The following PCDHA6 variants were observed in gnomAD, a reference collection of about 807,000 sequenced individuals.
PCDHA6 encodes the protein protocadherin alpha-6.
Under a neutral mutation model 60.3 loss-of-function variants are expected in PCDHA6, and 55 were observed. The observed-to-expected ratio is 0.91, with a 90% CI of 0.73 to 1.14. The LOEUF (loss-of-function observed/expected upper bound fraction) is 1.14, where lower values mean the gene tolerates loss of function less well. PCDHA6 is among the 50% of genes most tolerant of loss of function. The pLI, the probability that PCDHA6 is intolerant of heterozygous loss-of-function variation, is 0.00. For synonymous variants in PCDHA6, 652 were observed against 557.9 expected (o/e 1.17, Z -2.38); for missense variants, 1,327 against 1,256.5 (o/e 1.06, Z -0.85).
chr5:140,871,098 G>T (rs2052704304), intron 1 of PCDHA6: 4 of 1,613,192 alleles, frequency 2.5e-6, no homozygotes, highest in Non-Finnish European at 3.4e-6. Context: ...CCACCGTGCT[G>T]GTGTCGTTGG....
At chr5:140,876,793 G>A (rs782321220) in intron 1 of PCDHA6, 2 of 1,614,240 alleles carry the variant, frequency 1.2e-6, no homozygotes, top group Non-Finnish European at 1.7e-6. Context: ...CACGGCTAGA[G>A]TGTCCGTGGA....
At chr5:140,912,472 G>A (rs993404931) in intron 1 of PCDHA6, among the ~76,000 whole-genome samples, 4 of 151,836 alleles carry the variant, frequency 2.6e-5, no homozygotes, top group African/African-American at 9.7e-5. Context: ...GAACTTTACT[G>A]AATTCATTTA....
chr5:140,897,461 A>G (rs1374397258), intron 1 of PCDHA6, among the ~76,000 whole-genome samples: 5 of 151,630 alleles, frequency 3.3e-5, no homozygotes, highest in African/African-American at 4.8e-5. Flanking sequence ...TCCTTGCGAT[A>G]GTTTACTGAG....
At chr5:140,857,667 G>T (rs375722457) in intron 1 of PCDHA6, 10 of 1,596,922 alleles carry the variant, frequency 6.3e-6, no homozygotes, top group East Asian at 4.5e-5. Flanking sequence ...CGCGATGGGG[G>T]CGTGCCGCCT....
intron 3 of PCDHA6, among the ~76,000 whole-genome samples, chr5:141,006,484 A>T (rs1028996250): frequency 9.9e-5 from 15 of 152,130 alleles, no homozygotes; most frequent in Non-Finnish European, 7.4e-5. Flanking sequence ...AAGTGCTGGG[A>T]TTACATGTGT....
intron 1 of PCDHA6, chr5:140,856,628 G>C (rs782445037): frequency 1.9e-6 from 3 of 1,598,180 alleles, no homozygotes; most frequent in East Asian, 4.5e-5. Context: ...CCCAGTGCTT[G>C]TTCTGCGGAA....
intron 1 of PCDHA6, among the ~76,000 whole-genome samples, chr5:140,953,629 T>A (rs547651453): frequency 6.6e-6 from 1 of 152,298 alleles, no homozygotes; most frequent in East Asian, 1.9e-4. Context: ...TTGCTTTATG[T>A]ATTTTGGCCA....
intron 3 of PCDHA6, among the ~76,000 whole-genome samples, chr5:140,993,099 C>T (rs1253807421): frequency 6.6e-6 from 1 of 152,206 alleles, no homozygotes; most frequent in Non-Finnish European, 1.5e-5. Context: ...TATGTTTATT[C>T]AGCGGTCAGT....
At chr5:140,856,750 C>T (rs1554149043) in intron 1 of PCDHA6, 2 of 1,596,152 alleles carry the variant, frequency 1.3e-6, no homozygotes, top group Non-Finnish European at 1.7e-6. Flanking sequence ...TGTTAGATGC[C>T]AATGATAACG....
At position 140,971,223 on chromosome 5, in the gene PCDHA6, C is replaced by T. The variant is rs904012820; in HGVS notation, c.2395-7726C>T. The stretch of plus-strand genomic sequence containing the variant: ...GACACTGTTACCCTCCCTCTCCTGA[C>T]TCAAAGCTTGGGGCAATTTGATACA... On this transcript the variant is annotated intron_variant, in intron 1 of 3. Transcript: ENST00000529310. Among the ~76,000 whole-genome samples, 3 of 152,148 alleles carry T rather than the reference C, an allele frequency of 2.0e-5. No homozygotes were observed. The South Asian group carries it at 6.2e-4, about 31-fold the overall frequency.
At chr5:140,850,622 C>G in intron 1 of PCDHA6, 1 of 1,598,590 alleles carries the variant, frequency 6.3e-7, no homozygotes, top group Non-Finnish European at 8.6e-7. Flanking sequence ...CGGTGTCTAG[C>G]CTGTTGGTTC....
chr5:140,839,620 G>T (rs1299548975), intron 1 of PCDHA6, among the ~76,000 whole-genome samples: 2 of 151,980 alleles, frequency 1.3e-5, no homozygotes, highest in Non-Finnish European at 2.9e-5. Flanking sequence ...AAACTCCTGA[G>T]ATATCGAGAA....
chr5:140,889,241 T>C (rs987868473), intron 1 of PCDHA6, among the ~76,000 whole-genome samples: 120 of 151,950 alleles, frequency 7.9e-4, no homozygotes, highest in African/African-American at 2.7e-3. Context: ...TCCAGAAAAT[T>C]TTCTGTTTCC....
intron 3 of PCDHA6, among the ~76,000 whole-genome samples, chr5:140,993,365 A>G (rs1207264244): frequency 1.3e-5 from 2 of 151,422 alleles, no homozygotes; most frequent in Admixed American, 6.6e-5. Flanking sequence ...CACAAAAACT[A>G]CCTCCCAGCC....
intron 1 of PCDHA6, chr5:140,882,865 A>G (rs1554175879): frequency 6.2e-7 from 1 of 1,614,248 alleles, no homozygotes; most frequent in Non-Finnish European, 8.5e-7. Context: ...TGAGGAAAAC[A>G]CTGGACAGAG....
chr5:140,848,711 G>A (rs2150418509), intron 1 of PCDHA6: 14 of 1,592,432 alleles, frequency 8.8e-6, no homozygotes, highest in Non-Finnish European at 1.2e-5. Flanking sequence ...AAGGCCGCGG[G>A]GACCTTCTGG....
chr5:140,870,118 A>C, intron 1 of PCDHA6: 1 of 1,613,892 alleles, frequency 6.2e-7, no homozygotes, highest in Non-Finnish European at 8.5e-7. Context: ...CTGGGTGGAA[A>C]TCTTGGACAC....
chr5:140,884,824 T>A, intron 1 of PCDHA6: 1 of 993,590 alleles, frequency 1.0e-6, no homozygotes, highest in Non-Finnish European at 1.4e-6. Context: ...ACATTATGTG[T>A]TGGATTATCC....
In PCDHA6 at chr5:140,969,317, G is replaced by T. The variant is rs1554231675; in HGVS notation, c.2395-9632G>T. 3 of 1,614,156 alleles carry T rather than the reference G, an allele frequency of 1.9e-6. No homozygotes were observed. The East Asian group carries it at 6.7e-5, about 36-fold the overall frequency. ...CCTGATTATTCTCAAAAATGAGGCT[G>T]TTTCTCAAAATGAGGTGAGACAGTG... is the stretch of plus-strand genomic sequence containing the variant. On this transcript the variant is annotated intron_variant, in intron 1 of 3. Transcript: ENST00000529310.
Sources: allele counts gnomAD v4.1 joint callset (sites outside exome capture counted in the v4.1 genomes callset), GRCh38; gene constraint gnomAD v4.1.1; transcripts MANE v1.5; gene names NCBI Gene and HGNC (gene_info 2026-07-23, HGNC 2026-07-21).